The following NDUFC1 variants were observed in gnomAD, a reference collection of about 807,000 sequenced individuals.
The protein encoded by NDUFC1 is NADH:ubiquinone oxidoreductase subunit C1, also known as NADH dehydrogenase [ubiquinone] 1 subunit C1, mitochondrial.
In NDUFC1, 11 loss-of-function variants were observed where a neutral mutation model predicts 11.6. The observed-to-expected ratio is 0.95, with a 90% confidence interval of 0.60 to 1.58. NDUFC1 has a LOEUF of 1.58. NDUFC1 is among the 40% of genes most tolerant of loss of function. The pLI is 0.00. For missense variants in NDUFC1, 112 were observed against 93.0 expected (o/e 1.20, Z -0.84); for synonymous variants, 52 against 42.2 (o/e 1.23, Z -0.90).
intron 1 of NDUFC1, among the ~76,000 whole-genome samples, chr4:139,299,723 G>A (rs561954839): frequency 7.2e-5 from 11 of 152,242 alleles, no homozygotes; most frequent in African/African-American, 2.6e-4. Context: ...AGTATTTGCC[G>A]AGCCTTTAAA....
At chr4:139,296,052 C>G (rs1267244493) in intron 2 of NDUFC1, 92 bp from the exon 3 acceptor site, 7 of 493,394 alleles carry the variant, frequency 1.4e-5, no homozygotes, top group Non-Finnish European at 1.4e-5. Flanking sequence ...ATCTCTACGG[C>G]TATTCATCAA....
At chr4:139,301,738 G>A in intron 1 of NDUFC1, 1 of 1,543,974 alleles carries the variant, frequency 6.5e-7, no homozygotes, top group Non-Finnish European at 8.8e-7. Flanking sequence ...CTGACTGACC[G>A]AGCCGGGTGG....
At position 139,292,536 on chromosome 4, in the gene NDUFC1, AGTGT is replaced by A. The variant is rs1296951357; in HGVS notation, c.*10_*13del. On this transcript the variant is annotated 3_prime_UTR_variant, in exon 5 of 6. Coordinates refer to ENST00000394223, the MANE Select transcript of NDUFC1 (RefSeq NM_001184989.2). ...AATAAGCTTGTATACTTACTACATT[AGTGT>A]TTCAAAAGTTTATTCCAGCCCATTT... 1.2e-5 allele frequency: 18 copies of A among 1,463,304 alleles called. No homozygotes were observed. The highest frequency in any genetic ancestry group is 1.7e-5 in the Non-Finnish European group (18 of 1,054,562). 90.6% of individuals were successfully genotyped at this position (1,463,304 alleles called of 1,614,324 possible).
At chr4:139,301,332 G>T in intron 1 of NDUFC1, 1 of 401,604 alleles carries the variant, frequency 2.5e-6, no homozygotes. Context: ...AGGGTACCAC[G>T]CACTGAAATG....
intron 1 of NDUFC1, chr4:139,301,271 G>A (rs1265308240): frequency 2.8e-6 from 1 of 353,314 alleles, no homozygotes; most frequent in Non-Finnish European, 5.1e-6. Flanking sequence ...TTGATGAGGA[G>A]GCGGTCTGAA....
At position 139,292,573 on chromosome 4, in the gene NDUFC1, T is replaced by G. The variant is rs1312564671; in HGVS notation, c.208A>C (p.Lys70Gln). The change falls in exon 5 of 6, where the codon AAA becomes CAA. Residue 70 changes from lysine (K) to glutamine (Q), a missense_variant. Physicochemically the swap from Lys to Gln is moderately conservative, Grantham distance 53. Transcript: ENST00000394223. ...KQHNEDILEY[K>Q]RRNGLE is the part of the protein sequence containing the mutation. ...GTTTATTCCAGCCCATTTCTTCTTT[T>G]GTACTCTAAAATATCTTCATTGTGT... The G allele has an allele frequency of 6.4e-7, 1 of 1,568,310 alleles. No homozygotes were observed. The highest frequency in any genetic ancestry group is 1.4e-5 in the African/African-American group (1 of 73,800).
At chr4:139,295,659 C>T (rs935403212) in intron 3 of NDUFC1, 73 bp downstream of exon 3, 12 of 1,472,196 alleles carry the variant, frequency 8.2e-6, no homozygotes, top group Non-Finnish European at 9.1e-6. Flanking sequence ...CCGCCTCCTG[C>T]ACCCGTGGGC....
In NDUFC1 at chr4:139,295,314, G is replaced by A. The variant is rs772478603; in HGVS notation, c.68-168C>T. On this transcript the variant is annotated intron_variant, in intron 3 of 5. Coordinates refer to ENST00000394223, the MANE Select transcript of NDUFC1 (RefSeq NM_001184989.2). ...AAAGAGATCAAGTACCTCGCCCAGG[G>A]CCACTGGCGAGTTAGACAGGACGCA... Among the ~76,000 whole-genome samples, 63 of 152,264 alleles carry A rather than the reference G, an allele frequency of 4.1e-4. No individual in the cohort carries two copies. The Middle Eastern group carries it at 0.01, about 25-fold the overall frequency.
intron 1 of NDUFC1, chr4:139,301,750 G>C (rs2110800139): frequency 6.4e-7 from 1 of 1,557,568 alleles, no homozygotes; most frequent in Non-Finnish European, 8.7e-7. Flanking sequence ...GCCGGGTGGT[G>C]GCGGGAGCAG....
intron 5 of NDUFC1, among the ~76,000 whole-genome samples, chr4:139,291,735 C>T (rs1194242480): frequency 6.6e-6 from 1 of 152,034 alleles, no homozygotes; most frequent in Non-Finnish European, 1.5e-5. Flanking sequence ...ACCAAACAGA[C>T]ATTAAGAAAT....
Position 139,295,742 on chromosome 4 carries a change from GAGCCTGGCGGGGGCCAGC to G in NDUFC1, c.39_56del (p.Leu14_Leu19del). The stretch of plus-strand genomic sequence containing the variant: ...GAGGAGGATACTCACGGCCGCTCGG[GAGCCTGGCGGGGGCCAGC>G]AGCCGGGAAAGGGGACGCAGCAAGG... On this transcript the variant is annotated inframe_deletion, in exon 3 of 6. Coordinates refer to ENST00000394223, the MANE Select transcript of NDUFC1 (RefSeq NM_001184989.2). The G allele has an allele frequency of 1.3e-6, 2 of 1,547,594 alleles. No homozygotes were observed. The highest frequency in any genetic ancestry group is 1.7e-6 in the Non-Finnish European group (2 of 1,147,102).
At position 139,295,968 on chromosome 4, in the gene NDUFC1, G is replaced by A; in HGVS notation, c.-162-8C>T. On this transcript the variant is annotated splice_polypyrimidine_tract_variant and splice_region_variant and intron_variant, in intron 2 of 5. Transcript: ENST00000394223. ...CCGGCCTCAGCCTTCTGTCTATACA[G>A]TGGAATTAGGAAGAAAATAATTAAA... 1.7e-6 allele frequency: 1 copy of A among 588,026 alleles called. No homozygotes were observed. Among genetic ancestry groups the A allele is most frequent in the Non-Finnish European group, 2.9e-6 (1 of 343,892 alleles). 36.4% of individuals were successfully genotyped at this position (588,026 alleles called of 1,614,324 possible). A position where few individuals can be genotyped will look rare whatever the true frequency, so the allele number is the denominator to read the frequency against.
At chr4:139,290,611 TAA>T (rs1387958106) in intron 5 of NDUFC1, among the ~76,000 whole-genome samples, 1 of 152,010 alleles carries the variant, frequency 6.6e-6, no homozygotes, top group Non-Finnish European at 1.5e-5. Context: ...ACAGCAGATA[TAA>T]GTTACTTAAT....
chr4:139,302,502 C>A (rs1239438144), upstream of NDUFC1: 2 of 152,238 alleles, frequency 1.3e-5, no homozygotes, highest in East Asian at 3.8e-4. Flanking sequence ...GCATTTATTT[C>A]TTAGTTTCCG....
chr4:139,301,982 C>A, intron 1 of NDUFC1: 1 of 803,112 alleles, frequency 1.2e-6, no homozygotes, highest in South Asian at 2.0e-5. Context: ...GCTTTGCTCC[C>A]TCTCTGTGGT....
intron 2 of NDUFC1, chr4:139,296,186 A>G (rs780547068): frequency 5.6e-5 from 11 of 195,270 alleles, no homozygotes; most frequent in Middle Eastern, 1.8e-3. Context: ...TATGGTTTAC[A>G]TTCATTGTCT....
In NDUFC1 at chr4:139,302,286, A is replaced by G. The variant is rs576062682; in HGVS notation, c.-222+130T>C. 4 of 160,268 alleles carry G rather than the reference A, an allele frequency of 2.5e-5. No homozygotes were observed. In the South Asian group the frequency reaches 7.8e-4, roughly 31 times the overall value. The allele number at this position is 160,268 out of a possible 1,614,324, so 9.9% of individuals were successfully genotyped here. ...ATTGCCTAAACGCGGTTCTCCCTCCATCATCTGTCCCTCCCTCTTCCTCCT... is the reference window on the plus strand; with the variant it reads ...ATTGCCTAAACGCGGTTCTCCCTCCGTCATCTGTCCCTCCCTCTTCCTCCT... On this transcript the variant is annotated intron_variant, in intron 1 of 5. Coordinates refer to ENST00000394223, the MANE Select transcript of NDUFC1 (RefSeq NM_001184989.2).
Position 139,292,340 on chromosome 4 carries a change from TC to T in NDUFC1, c.*20+189del, listed in dbSNP as rs933211360. ...CAAACAACAAACAAAAAAAACCCCA[TC>T]CCCCCCAAAACAAAACCAACTGCTT... On this transcript the variant is annotated intron_variant, in intron 5 of 5. Coordinates refer to ENST00000394223, the MANE Select transcript of NDUFC1 (RefSeq NM_001184989.2). Among the ~76,000 whole-genome samples the T allele has an allele frequency of 3.4e-5, 5 of 149,062 alleles. No homozygotes were observed. In the East Asian group the frequency reaches 6.1e-4, roughly 18 times the overall value.
chr4:139,292,444 C>A, intron 5 of NDUFC1, 86 bp downstream of exon 5: 1 of 553,944 alleles, frequency 1.8e-6, no homozygotes, highest in Non-Finnish European at 2.9e-6. Flanking sequence ...TAATACAAAA[C>A]AAACAACAAG....
Sources: gnomAD v4.1 joint callset for allele counts (sites outside exome capture counted in the v4.1 genomes callset) on GRCh38, gnomAD v4.1.1 for gene constraint, MANE v1.5 for transcripts, NCBI Gene and HGNC (gene_info 2026-07-23, HGNC 2026-07-21) for gene names.